RBFOX1: variants seen among roughly 807,000 people sequenced by gnomAD.
RBFOX1 encodes the protein RNA binding protein fox-1 homolog 1.
RBFOX1 carries 8 observed loss-of-function variants against 57.7 expected under a neutral mutation model. The observed-to-expected ratio is 0.14, with a 90% CI of 0.08 to 0.25. RBFOX1 has a LOEUF of 0.25. Among genes scored for constraint, RBFOX1 ranks in the 10% least tolerant of loss-of-function variants. The pLI is 1.00. For synonymous variants in RBFOX1, 326 were observed against 222.4 expected (o/e 1.47, Z -4.15); for missense variants, 611 against 548.5 (o/e 1.11, Z -1.14).
At chr16:7,016,806 C>T (rs915554927) in intron 3 of RBFOX1, among the ~76,000 whole-genome samples, 3 of 152,108 alleles carry the variant, frequency 2.0e-5, no homozygotes, top group East Asian at 1.9e-4. Context: ...CGTGGTTACC[C>T]GCCAGGTGAG....
At chr16:6,418,385 A>C (rs977168448) in intron 2 of RBFOX1, among the ~76,000 whole-genome samples, 1 of 152,084 alleles carries the variant, frequency 6.6e-6, no homozygotes, top group African/African-American at 2.4e-5. Context: ...AAGAGCTGCT[A>C]TTTGGGGAAT....
chr16:6,742,883 A>C (rs1481633777), intron 3 of RBFOX1, among the ~76,000 whole-genome samples: 2 of 152,152 alleles, frequency 1.3e-5, no homozygotes, highest in Non-Finnish European at 2.9e-5. Flanking sequence ...TCTGTGGTGA[A>C]TTAGTTCTGT....
chr16:7,310,270 G>T (rs4238876), intron 4 of RBFOX1, among the ~76,000 whole-genome samples: 120,112 of 152,094 alleles, frequency 0.79, 47,590 homozygotes, highest in East Asian at 0.93. Context: ...GGCATACGAT[G>T]AGGAAAGAGC....
chr16:6,492,470 G>A (rs935105453), intron 2 of RBFOX1, among the ~76,000 whole-genome samples: 2 of 152,202 alleles, frequency 1.3e-5, no homozygotes, highest in Admixed American at 6.5e-5. Context: ...TCAGGAGGCT[G>A]AGGCAGGAGA....
At chr16:7,234,736 A>G (rs1807066592) in intron 4 of RBFOX1, among the ~76,000 whole-genome samples, 1 of 151,044 alleles carries the variant, frequency 6.6e-6, no homozygotes, top group Non-Finnish European at 1.5e-5. Flanking sequence ...AAATCCTTGT[A>G]AATACCCTGT....
At chr16:6,593,929 C>T (rs1289914003) in intron 2 of RBFOX1, among the ~76,000 whole-genome samples, 17 of 152,140 alleles carry the variant, frequency 1.1e-4, no homozygotes, top group Non-Finnish European at 1.0e-4. Flanking sequence ...TTGTAGACTC[C>T]ACCCCAATGC....
intron 3 of RBFOX1, among the ~76,000 whole-genome samples, chr16:6,939,659 G>A (rs145841125): frequency 6.6e-6 from 1 of 151,906 alleles, no homozygotes; most frequent in Non-Finnish European, 1.5e-5. Flanking sequence ...TTACAGCCGT[G>A]TGCTACCATA....
intron 3 of RBFOX1, among the ~76,000 whole-genome samples, chr16:5,612,600 A>G (rs922487923): frequency 1.3e-5 from 2 of 152,268 alleles, no homozygotes; most frequent in African/African-American, 4.8e-5. Context: ...TTTTCCCAGG[A>G]GGAGGCTCAT....
At chr16:5,776,213 T>G (rs2151691332) in intron 3 of RBFOX1, among the ~76,000 whole-genome samples, 1 of 152,384 alleles carries the variant, frequency 6.6e-6, no homozygotes, top group East Asian at 1.9e-4. Flanking sequence ...AGTTTTATCA[T>G]AAATATTTCC....
At chr16:6,608,360 G>T (rs1213900201) in intron 2 of RBFOX1, among the ~76,000 whole-genome samples, 2 of 152,114 alleles carry the variant, frequency 1.3e-5, no homozygotes, top group African/African-American at 4.8e-5. Context: ...CAGTATTATT[G>T]TTCACCTCTT....
At position 5,934,127 on chromosome 16, in the gene RBFOX1, G is replaced by A. The variant is rs150778486; in HGVS notation, c.351+66792G>A. On this transcript the variant is annotated intron_variant, in intron 4 of 19. Coordinates refer to the RBFOX1 transcript ENST00000641259. ...TCCTGCCACAAGGTGGTTTTATGTG[G>A]ACACGGCATGGCATCATCCTCAGGA... Among the ~76,000 whole-genome samples, 4 of 152,322 alleles carry A rather than the reference G, an allele frequency of 2.6e-5. No individual in the cohort carries two copies. The East Asian group carries it at 7.7e-4, about 29-fold the overall frequency.
At chr16:6,104,789 T>C (rs989656936) in intron 1 of RBFOX1, among the ~76,000 whole-genome samples, 3 of 152,088 alleles carry the variant, frequency 2.0e-5, no homozygotes, top group Admixed American at 1.3e-4. Context: ...TAGATGAACC[T>C]CGGAAAACAT....
intron 2 of RBFOX1, among the ~76,000 whole-genome samples, chr16:5,583,542 C>G (rs56685962): frequency 0.053 from 7,998 of 152,246 alleles, 737 homozygotes; most frequent in African/African-American, 0.18. Context: ...TGGAGTGTCT[C>G]TGAATCTGCT....
chr16:6,871,112 A>G (rs1241157406), intron 3 of RBFOX1, among the ~76,000 whole-genome samples: 3 of 152,182 alleles, frequency 2.0e-5, no homozygotes, highest in African/African-American at 2.4e-5. Flanking sequence ...ATTCTTTAGG[A>G]TGGAATTTGA....
chr16:6,832,746 G>A (rs562056253), intron 3 of RBFOX1, among the ~76,000 whole-genome samples: 1 of 152,302 alleles, frequency 6.6e-6, no homozygotes, highest in African/African-American at 2.4e-5. Context: ...GCAGCTCTCT[G>A]TAACTGTCCC....
intron 2 of RBFOX1, among the ~76,000 whole-genome samples, chr16:5,557,699 G>T (rs2045731828): frequency 6.6e-6 from 1 of 152,188 alleles, no homozygotes; most frequent in South Asian, 2.1e-4. Context: ...TGCAGACAGG[G>T]AACAGGGAAC....
At chr16:7,067,126 C>G (rs961175505) in intron 4 of RBFOX1, among the ~76,000 whole-genome samples, 1 of 152,188 alleles carries the variant, frequency 6.6e-6, no homozygotes, top group Non-Finnish European at 1.5e-5. Context: ...CAGCGGCAGC[C>G]TTCCATGCTT....
intron 1 of RBFOX1, chr16:5,270,751 G>A (rs748692374): frequency 1.3e-5 from 6 of 474,084 alleles, no homozygotes; most frequent in Admixed American, 2.7e-5. Context: ...AGATAACATC[G>A]GAAAAGATGT....
chr16:6,651,543 C>T (rs1257586578), intron 2 of RBFOX1, among the ~76,000 whole-genome samples: 1 of 152,156 alleles, frequency 6.6e-6, no homozygotes, highest in East Asian at 1.9e-4. Context: ...TTCATTATGC[C>T]TGAGTGAAAC....
Sources: gnomAD v4.1 joint callset for allele counts (sites outside exome capture counted in the v4.1 genomes callset) on GRCh38, gnomAD v4.1.1 for gene constraint, MANE v1.5 for transcripts, NCBI Gene and HGNC (gene_info 2026-07-23, HGNC 2026-07-21) for gene names.